PLEKHA7: variants seen among roughly 807,000 people sequenced by gnomAD.
The protein encoded by PLEKHA7 is pleckstrin homology domain containing A7, also known as pleckstrin homology domain-containing family A member 7.
A neutral mutation model predicts 170.0 loss-of-function variants in PLEKHA7; 104 were observed. That is an observed-to-expected ratio of 0.61 (90% CI 0.52 to 0.72). The LOEUF (loss-of-function observed/expected upper bound fraction) is 0.72. Among genes scored for constraint, PLEKHA7 ranks in the 30% least tolerant of loss-of-function variants. PLEKHA7 has a pLI of 0.00. For synonymous variants in PLEKHA7, 648 were observed against 660.8 expected, an observed-to-expected ratio of 0.98 and a Z score of 0.30; for missense variants, 1,615 against 1,671.7, an observed-to-expected ratio of 0.97 and a Z score of 0.59.
chr11:16,786,672 G>T, intron 23 of PLEKHA7: 4 of 985,372 alleles, frequency 4.1e-6, no homozygotes, highest in Non-Finnish European at 4.8e-6. Flanking sequence ...GAAATAGAAG[G>T]CTCCCAGAGA....
chr11:16,809,611 C>T (rs1849223817), intron 13 of PLEKHA7, among the ~76,000 whole-genome samples: 1 of 152,218 alleles, frequency 6.6e-6, no homozygotes. Flanking sequence ...TTTTGTCCAG[C>T]ATGTCATAGA....
intron 3 of PLEKHA7, among the ~76,000 whole-genome samples, chr11:16,936,587 G>C (rs1477561031): frequency 6.6e-6 from 1 of 152,090 alleles, no homozygotes; most frequent in Non-Finnish European, 1.5e-5. Flanking sequence ...TATTCCTGGA[G>C]ACACCCGAAT....
intron 9 of PLEKHA7, among the ~76,000 whole-genome samples, chr11:16,837,112 C>T (rs986058876): frequency 1.3e-5 from 2 of 152,194 alleles, no homozygotes; most frequent in African/African-American, 4.8e-5. Context: ...GCATAAGCCA[C>T]TGCACCTGGC....
At chr11:16,893,581 A>G (rs1251352149) in intron 3 of PLEKHA7, among the ~76,000 whole-genome samples, 1 of 152,082 alleles carries the variant, frequency 6.6e-6, no homozygotes, top group Non-Finnish European at 1.5e-5. Flanking sequence ...GCCCCCCCAC[A>G]AGGAAGACAC....
intron 3 of PLEKHA7, among the ~76,000 whole-genome samples, chr11:16,898,532 T>C (rs141446448): frequency 6.6e-6 from 1 of 152,254 alleles, no homozygotes; most frequent in Non-Finnish European, 1.5e-5. Flanking sequence ...AGTGCCTACT[T>C]TGGAGCATTT....
chr11:16,812,020 T>C (rs1482698978), intron 13 of PLEKHA7, among the ~76,000 whole-genome samples: 2 of 152,182 alleles, frequency 1.3e-5, no homozygotes, highest in African/African-American at 4.8e-5. Context: ...GCCAAACAGA[T>C]CTTTGTCTAG....
At chr11:17,012,027 T>C (rs969680903) in intron 3 of PLEKHA7, among the ~76,000 whole-genome samples, 11 of 152,266 alleles carry the variant, frequency 7.2e-5, no homozygotes, top group African/African-American at 2.6e-4. Flanking sequence ...ATGTGACCAC[T>C]ACTCCCTGTC....
At chr11:16,834,968 G>C (rs1403681581) in intron 9 of PLEKHA7, among the ~76,000 whole-genome samples, 1 of 152,082 alleles carries the variant, frequency 6.6e-6, no homozygotes, top group African/African-American at 2.4e-5. Context: ...ACAAACAAGA[G>C]AACAAAAGTC....
intron 3 of PLEKHA7, among the ~76,000 whole-genome samples, chr11:16,976,148 G>A (rs2136780639): frequency 6.6e-6 from 1 of 152,366 alleles, no homozygotes; most frequent in South Asian, 2.1e-4. Flanking sequence ...AAAGCCCCTG[G>A]AATTTCTCAG....
chr11:16,933,746 G>A (rs1860099594), intron 3 of PLEKHA7, among the ~76,000 whole-genome samples: 1 of 152,174 alleles, frequency 6.6e-6, no homozygotes, highest in African/African-American at 2.4e-5. Context: ...ATTCAGGGAG[G>A]GGGCAGAAGA....
intron 13 of PLEKHA7, among the ~76,000 whole-genome samples, chr11:16,805,810 AAAAC>A (rs886967229): frequency 2.6e-5 from 4 of 151,502 alleles, no homozygotes; most frequent in East Asian, 1.9e-4. Flanking sequence ...AAAAAAAACA[AAAAC>A]AAAAACAAAA....
At chr11:16,999,948 G>C (rs1357257465) in intron 3 of PLEKHA7, among the ~76,000 whole-genome samples, 1 of 152,080 alleles carries the variant, frequency 6.6e-6, no homozygotes, top group Non-Finnish European at 1.5e-5. Flanking sequence ...ACAGACACCA[G>C]GGTTACTGCC....
At chr11:16,856,558 CA>C (rs1853469242) in intron 4 of PLEKHA7, among the ~76,000 whole-genome samples, 1 of 152,142 alleles carries the variant, frequency 6.6e-6, no homozygotes, top group African/African-American at 2.4e-5. Context: ...CTTGGGCCCC[CA>C]GTAAGAATAT....
At chr11:17,014,256 C>G (rs1865533497) in intron 1 of PLEKHA7, 55 bp from the exon 2 acceptor site, 1 of 1,391,604 alleles carries the variant, frequency 7.2e-7, no homozygotes. Context: ...GGGTGCCCGC[C>G]CGGCCCCCGC....
At chr11:16,805,650 C>T (rs1475466117) in intron 13 of PLEKHA7, among the ~76,000 whole-genome samples, 1 of 151,908 alleles carries the variant, frequency 6.6e-6, no homozygotes, top group Non-Finnish European at 1.5e-5. Context: ...ATTAGCCAGG[C>T]ACAGTGCCGC....
chr11:16,826,295 G>C lies in PLEKHA7; in HGVS notation c.1168C>G (p.Arg390Gly), dbSNP rs531712172. The C allele has an allele frequency of 1.2e-6, 2 of 1,614,232 alleles. No individual in the cohort carries two copies. The highest frequency in any genetic ancestry group is 2.2e-5 in the South Asian group (2 of 91,088). The change falls in exon 10 of 27, where the codon CGG becomes GGG. Residue 390 changes from arginine (R) to glycine (G), a missense_variant. By Grantham distance (125) the Arg-to-Gly change is moderately radical. Coordinates refer to ENST00000531066, the MANE Select transcript of PLEKHA7 (RefSeq NM_001329630.2). The part of the protein sequence containing the change: ...GPRGQQAQPQ[R>G]AEKNGMLPAS... ...GGCAGCATTCCATTCTTCTCTGCCCGTTGGGGCTGTGCCTGCTGGCCTCTT... is the reference window on the plus strand; with the variant it reads ...GGCAGCATTCCATTCTTCTCTGCCCCTTGGGGCTGTGCCTGCTGGCCTCTT...
chr11:16,794,661 A>T lies in PLEKHA7; in HGVS notation c.2572T>A (p.Ser858Thr). 1 of 1,614,026 alleles carries T rather than the reference A, an allele frequency of 6.2e-7. No homozygotes were observed. The highest frequency in any genetic ancestry group is 8.5e-7 in the Non-Finnish European group (1 of 1,179,978). ...GGCTGTGGGGGCGGCTTGCTCTCAGAAGTTGAGAGTGAAGGCACAGGCGGG... is the reference window on the plus strand; with the variant it reads ...GGCTGTGGGGGCGGCTTGCTCTCAGTAGTTGAGAGTGAAGGCACAGGCGGG... ...PHPPVPSLSTSESKPPPQPSP... is the reference protein window; with the variant it reads ...PHPPVPSLSTTESKPPPQPSP... The change falls in exon 19 of 27, where the codon TCT becomes ACT. Residue 858 changes from serine (S) to threonine (T), a missense_variant. By Grantham distance (58) the Ser-to-Thr change is moderately conservative. Coordinates refer to ENST00000531066, the MANE Select transcript of PLEKHA7 (RefSeq NM_001329630.2).
At chr11:16,998,461 C>G (rs901057322) in intron 3 of PLEKHA7, among the ~76,000 whole-genome samples, 29 of 152,190 alleles carry the variant, frequency 1.9e-4, no homozygotes, top group African/African-American at 7.0e-4. Flanking sequence ...ACACATGCGG[C>G]TTTTGGAGTA....
intron 9 of PLEKHA7, among the ~76,000 whole-genome samples, chr11:16,831,564 A>G (rs533080288): frequency 2.0e-5 from 3 of 152,246 alleles, no homozygotes; most frequent in Admixed American, 6.5e-5. Flanking sequence ...GAAACCGGTC[A>G]CTGTTCAAAA....
Sources: gnomAD v4.1 joint callset for allele counts (sites outside exome capture counted in the v4.1 genomes callset) on GRCh38, gnomAD v4.1.1 for gene constraint, MANE v1.5 for transcripts, NCBI Gene and HGNC (gene_info 2026-07-23, HGNC 2026-07-21) for gene names.